Variants in MARK4 observed in about 807,000 individuals in gnomAD.
MARK4 encodes MAP/microtubule affinity-regulating kinase 4.
Under a neutral mutation model 81.5 loss-of-function variants are expected in MARK4, and 19 were observed. The observed-to-expected ratio is 0.23, with a 90% confidence interval of 0.16 to 0.34. The LOEUF is 0.34. Among genes scored for constraint, MARK4 ranks in the 10% least tolerant of loss-of-function variants. The pLI, the probability that MARK4 is intolerant of heterozygous loss-of-function variation, is 1.00. For missense variants in MARK4, 772 were observed against 1,058.8 expected (o/e 0.73, Z 3.76); for synonymous variants, 436 against 439.0 (o/e 0.99, Z 0.08).
At chr19:45,285,067 G>C (rs901081766) in intron 12 of MARK4, among the ~76,000 whole-genome samples, 2 of 151,956 alleles carry the variant, frequency 1.3e-5, no homozygotes, top group African/African-American at 4.8e-5. Context: ...CTTCAGCCTG[G>C]GCGGCAACAG....
In MARK4 at chr19:45,271,446, T is replaced by G; in HGVS notation, c.550-26T>G. 6.2e-7 allele frequency: 1 copy of G among 1,608,984 alleles called. No homozygotes were observed. Among genetic ancestry groups the G allele is most frequent in the Non-Finnish European group, 8.5e-7 (1 of 1,176,504 alleles). Reference sequence around the variant, plus strand: ...AAGGCTTTGGCCTTGAGTCCCACTTTCCGCCCTCTCCTTCTCTCCCTGCAG... The same window carrying G: ...AAGGCTTTGGCCTTGAGTCCCACTTGCCGCCCTCTCCTTCTCTCCCTGCAG... On this transcript the variant is annotated intron_variant, in intron 7 of 16. Coordinates refer to ENST00000262891, the MANE Select transcript of MARK4 (RefSeq NM_001199867.2). The surrounding 1 kb of genome is among the most constrained non-coding windows in gnomAD (Gnocchi z 4.1).
At chr19:45,272,852 C>T (rs1224487284) in intron 8 of MARK4, among the ~76,000 whole-genome samples, 1 of 152,150 alleles carries the variant, frequency 6.6e-6, no homozygotes, top group Non-Finnish European at 1.5e-5. Context: ...TGTGCCACTG[C>T]ACTCCAGCCT....
intron 16 of MARK4, among the ~76,000 whole-genome samples, chr19:45,300,531 A>G (rs994553015): frequency 6.6e-6 from 1 of 152,098 alleles, no homozygotes; most frequent in African/African-American, 2.4e-5. Context: ...TTTGAGGGCC[A>G]GGCACCCTGT....
chr19:45,303,631 A>C lies in MARK4; in HGVS notation c.*921A>C, dbSNP rs1568506827. The C allele has an allele frequency of 6.6e-6, 1 of 152,200 alleles. No individual in the cohort carries two copies. Among genetic ancestry groups the C allele is most frequent in the African/African-American group, 2.4e-5 (1 of 41,446 alleles). The allele number at this position is 152,200 out of a possible 1,614,324, so 9.4% of individuals were successfully genotyped here. The stretch of plus-strand genomic sequence containing the variant: ...AGCCACCATGTTACACTGGACTCTA[A>C]GCCACTTCTTACTCCAGTAGTAAAT... On this transcript the variant is annotated 3_prime_UTR_variant, in exon 17 of 17. Transcript: ENST00000262891.
Position 45,304,095 on chromosome 19 carries a change from G to A in MARK4, c.*1385G>A, listed in dbSNP as rs1488070625. The A allele has an allele frequency of 2.0e-5, 3 of 152,264 alleles. No individual in the cohort carries two copies. Among genetic ancestry groups the A allele is most frequent in the Non-Finnish European group, 2.9e-5 (2 of 68,058 alleles). 9.4% of individuals were successfully genotyped at this position (152,264 alleles called of 1,614,324 possible). A position where few individuals can be genotyped will look rare whatever the true frequency, so the allele number is the denominator to read the frequency against. On this transcript the variant is annotated 3_prime_UTR_variant, in exon 17 of 17. Transcript: ENST00000262891. The stretch of plus-strand genomic sequence containing the variant: ...TTACTTAATAGTCCAGGGGCACCTG[G>A]CTTCAGGTAGGTTTGATCCAGGCAT...
At chr19:45,287,809 G>A (rs1033814422) in intron 13 of MARK4, 145 bp downstream of exon 13, 8 of 957,288 alleles carry the variant, frequency 8.4e-6, no homozygotes, top group South Asian at 2.8e-5. Flanking sequence ...AACATTTATC[G>A]AGTGCCTCTG....
At position 45,297,694 on chromosome 19, in the gene MARK4, GC is replaced by G; in HGVS notation, c.1622del (p.Pro541LeufsTer79). ...KENSSGTPRV[P>X]PASPSSHSLA... is the part of the protein sequence containing the mutation. ...CCCACAGCTCAGGCACCCCACGGGTGCCCCCTGCCTCCCCCTCCAGTCACAG... is the reference window on the plus strand; with the variant it reads ...CCCACAGCTCAGGCACCCCACGGGTGCCCCTGCCTCCCCCTCCAGTCACAG... On this transcript the variant is annotated frameshift_variant, in exon 15 of 17. Transcript: ENST00000262891. LOFTEE classifies it high-confidence loss of function. 2 of 1,529,278 alleles carry G rather than the reference GC, an allele frequency of 1.3e-6. No homozygotes were observed. The highest frequency in any genetic ancestry group is 2.2e-5 in the Admixed American group (1 of 45,620). 94.7% of individuals were successfully genotyped at this position (1,529,278 alleles called of 1,614,324 possible).
chr19:45,269,078 A>G (rs1970492199), intron 7 of MARK4, among the ~76,000 whole-genome samples: 1 of 152,198 alleles, frequency 6.6e-6, no homozygotes, highest in Non-Finnish European at 1.5e-5. Context: ...AATGGCAGGA[A>G]AAGAAATGTA....
chr19:45,260,991 G>C (rs929500307), intron 2 of MARK4, among the ~76,000 whole-genome samples: 2 of 152,144 alleles, frequency 1.3e-5, no homozygotes, highest in Non-Finnish European at 2.9e-5. Context: ...GAAAAGGAAT[G>C]GTGGGTGATT....
chr19:45,255,049 A>G (rs1283018356), intron 1 of MARK4, among the ~76,000 whole-genome samples: 1 of 152,108 alleles, frequency 6.6e-6, no homozygotes, highest in East Asian at 1.9e-4. Flanking sequence ...AAAAAATTTA[A>G]AAATCAGCTG....
intron 1 of MARK4, chr19:45,258,750 G>A: frequency 1.9e-6 from 1 of 533,368 alleles, no homozygotes; most frequent in Non-Finnish European, 3.3e-6. Flanking sequence ...CTGCAGTGAG[G>A]GTTGAAGAAG....
intron 12 of MARK4, among the ~76,000 whole-genome samples, chr19:45,283,854 CA>C: frequency 6.6e-6 from 1 of 152,040 alleles, no homozygotes; most frequent in Non-Finnish European, 1.5e-5. Flanking sequence ...GAGGAACTTT[CA>C]GGGTGTTTTC....
intron 14 of MARK4, among the ~76,000 whole-genome samples, chr19:45,294,667 C>T (rs936921576): frequency 6.6e-6 from 1 of 152,118 alleles, no homozygotes; most frequent in African/African-American, 2.4e-5. Flanking sequence ...AGCAGTTGGC[C>T]CTGTTCTCCG....
intron 1 of MARK4, among the ~76,000 whole-genome samples, chr19:45,252,669 C>A (rs1027799005): frequency 1.1e-4 from 16 of 152,134 alleles, no homozygotes; most frequent in Middle Eastern, 3.2e-3. Context: ...GATCCTTCTT[C>A]CAGAAAACTC....
chr19:45,258,103 A>T lies in MARK4; in HGVS notation c.52-886A>T, dbSNP rs188624748. Among the ~76,000 whole-genome samples the T allele has an allele frequency of 5.9e-3, 885 of 150,916 alleles. 7 individuals carry two copies. The highest frequency in any genetic ancestry group is 0.011 in the Non-Finnish European group (716 of 67,854). ...CAGGTTCAAGTGATTCTCCTGCCTC[A>T]GCCTCCAGAGTAGCTGGGATTACAG... On this transcript the variant is annotated intron_variant, in intron 1 of 16. Transcript: ENST00000262891.
At chr19:45,260,444 C>T (rs1038824810) in intron 2 of MARK4, among the ~76,000 whole-genome samples, 8 of 150,352 alleles carry the variant, frequency 5.3e-5, no homozygotes, top group East Asian at 2.0e-4. Flanking sequence ...ACAAACACAG[C>T]GCTTTGGGAG....
At chr19:45,276,757 C>T (rs1970603320) in intron 8 of MARK4, among the ~76,000 whole-genome samples, 1 of 151,306 alleles carries the variant, frequency 6.6e-6, no homozygotes. Context: ...TCCCGCGTAG[C>T]TGGGATTACA....
At chr19:45,260,922 G>A (rs1418215751) in intron 2 of MARK4, among the ~76,000 whole-genome samples, 1 of 152,028 alleles carries the variant, frequency 6.6e-6, no homozygotes, top group Non-Finnish European at 1.5e-5. Context: ...TGACATTATT[G>A]CAAAAAGGGC....
rs894603755 is a variant in MARK4, at chr19:45,277,888, G to A, written c.787-35G>A. 3 of 1,589,206 alleles carry A rather than the reference G, an allele frequency of 1.9e-6. No homozygotes were observed. The African/African-American group carries it at 4.1e-5, about 22-fold the overall frequency. ...GTGTGTGTAATAGGTGGGGGGCGGGGCAGACCCCCTCCTCCAGTAACCCCA... is the reference window on the plus strand; with the variant it reads ...GTGTGTGTAATAGGTGGGGGGCGGGACAGACCCCCTCCTCCAGTAACCCCA... On this transcript the variant is annotated intron_variant, in intron 8 of 16. Coordinates refer to ENST00000262891, the MANE Select transcript of MARK4 (RefSeq NM_001199867.2).
Sources: gnomAD v4.1 joint callset for allele counts (sites outside exome capture counted in the v4.1 genomes callset) on GRCh38, gnomAD v4.1.1 for gene constraint, Gnocchi (gnomAD v3.1) non-coding constraint, MANE v1.5 for transcripts, NCBI Gene and HGNC (gene_info 2026-07-23, HGNC 2026-07-21) for gene names.